Variants in DMD observed in about 807,000 individuals in gnomAD.
DMD encodes the protein mutant dystrophin.
Under a neutral mutation model 330.1 loss-of-function variants are expected in DMD, and 63 were observed. That is an observed-to-expected ratio of 0.19 (90% confidence interval 0.16 to 0.24). The LOEUF (loss-of-function observed/expected upper bound fraction) is 0.24, where lower values mean the gene tolerates loss of function less well. DMD is among the 10% of genes least tolerant of loss of function. DMD has a pLI of 1.00. For missense variants in DMD, 3,344 were observed against 2,684.1 expected (o/e 1.25, Z -5.43); for synonymous variants, 1,223 against 959.8 (o/e 1.27, Z -5.07).
At chrX:31,702,853 T>A (rs908937482) in intron 52 of DMD, among the ~76,000 whole-genome samples, 2 of 100,520 alleles carry the variant, frequency 2.0e-5, no homozygotes, top group Admixed American at 2.1e-4. Flanking sequence ...GTCAGAGAAG[T>A]CTTTTTTTTT....
chrX:31,690,092 T>C (rs191769446), intron 52 of DMD, among the ~76,000 whole-genome samples: 1 of 111,775 alleles, frequency 8.9e-6, no homozygotes, highest in African/African-American at 3.3e-5. Context: ...CCAAAAGCAA[T>C]GGCAACAAAA....
intron 7 of DMD, among the ~76,000 whole-genome samples, chrX:32,801,022 T>C (rs1163965495): frequency 1.8e-5 from 2 of 111,771 alleles, no homozygotes; most frequent in South Asian, 3.7e-4. Context: ...GAATAATTTA[T>C]AATCCTTTGG....
In DMD at chrX:33,010,062, A is replaced by ATATACACATGTGTATATATACGTG. The variant is rs1318950415; in HGVS notation, c.93+10076_93+10077insCACGTATATATACACATGTGTATA. Among the ~76,000 whole-genome samples, 174 of 34,429 alleles carry ATATACACATGTGTATATATACGTG rather than the reference A, an allele frequency of 5.1e-3. 20 individuals are homozygous for ATATACACATGTGTATATATACGTG. Among genetic ancestry groups the ATATACACATGTGTATATATACGTG allele is most frequent in the African/African-American group, 0.015 (164 of 11,288 alleles). The allele number at this position is 34,429 out of a possible 115,157, so 29.9% of individuals were successfully genotyped here. A position where few individuals can be genotyped will look rare whatever the true frequency, so the allele number is the denominator to read the frequency against. On this transcript the variant is annotated intron_variant, in intron 2 of 78. Coordinates refer to ENST00000357033, the MANE Select transcript of DMD (RefSeq NM_004006.3). ...TATACACATGTGTATATATACGTGT[A>ATATACACATGTGTATATATACGTG]TATATACACAAATGTGCACATGTGT...
At chrX:31,218,273 C>A (rs1312106558) in intron 64 of DMD, among the ~76,000 whole-genome samples, 2 of 104,904 alleles carry the variant, frequency 1.9e-5, no homozygotes, top group Non-Finnish European at 3.9e-5. Context: ...AGCTTCTGAA[C>A]TTTTAGGATC....
chrX:32,811,670 C>G (rs2077379012), intron 6 of DMD, among the ~76,000 whole-genome samples: 1 of 111,334 alleles, frequency 9.0e-6, no homozygotes, highest in Non-Finnish European at 1.9e-5. Context: ...AGAGGCAGTT[C>G]TTGTCTTATA....
chrX:32,246,813 C>T (rs1008759602), intron 43 of DMD, among the ~76,000 whole-genome samples: 2 of 110,857 alleles, frequency 1.8e-5, no homozygotes, highest in African/African-American at 6.6e-5. Flanking sequence ...GGTGATATCA[C>T]TTCTGTTAAC....
intron 7 of DMD, among the ~76,000 whole-genome samples, chrX:32,793,146 A>T (rs182391689): frequency 8.9e-6 from 1 of 112,383 alleles, no homozygotes; most frequent in East Asian, 2.8e-4. Flanking sequence ...AAACTTTGGA[A>T]CCTGTACAAA....
chrX:32,128,100 A>C (rs1260914092), intron 44 of DMD, among the ~76,000 whole-genome samples: 6 of 112,419 alleles, frequency 5.3e-5, no homozygotes, highest in African/African-American at 1.6e-4. Context: ...TTAACTTTCT[A>C]TATAGGTATA....
At chrX:32,264,002 A>G (rs192175364) in intron 43 of DMD, among the ~76,000 whole-genome samples, 2 of 112,091 alleles carry the variant, frequency 1.8e-5, no homozygotes, top group East Asian at 5.6e-4. Context: ...TAGAAAAACA[A>G]TTCATAGATC....
At chrX:32,622,300 T>G (rs772166081) in intron 11 of DMD, among the ~76,000 whole-genome samples, 23 of 111,318 alleles carry the variant, frequency 2.1e-4, no homozygotes, top group Non-Finnish European at 4.1e-4. Flanking sequence ...TGTGGAGGTG[T>G]GATACTAATA....
At chrX:32,623,807 G>A (rs369854606) in intron 11 of DMD, among the ~76,000 whole-genome samples, 3 of 111,813 alleles carry the variant, frequency 2.7e-5, no homozygotes, top group African/African-American at 6.5e-5. Flanking sequence ...GATTACAGGC[G>A]TGAGCCACCG....
intron 55 of DMD, among the ~76,000 whole-genome samples, chrX:31,590,355 T>C (rs12116218): frequency 0.068 from 7,513 of 111,116 alleles, 209 homozygotes; most frequent in African/African-American, 0.1. Flanking sequence ...AAATGATTCT[T>C]CCAATGCAAA....
chrX:32,579,329 C>T (rs1234615035), intron 13 of DMD, among the ~76,000 whole-genome samples: 1 of 111,957 alleles, frequency 8.9e-6, no homozygotes, highest in Non-Finnish European at 1.9e-5. Flanking sequence ...CCTGTCTGAA[C>T]TCAAGGAATT....
chrX:31,502,991 C>T (rs1032193973), intron 56 of DMD, among the ~76,000 whole-genome samples: 6 of 111,569 alleles, frequency 5.4e-5, no homozygotes, highest in South Asian at 3.7e-4. Flanking sequence ...TTAATGTTTT[C>T]GTTTTGTTTG....
chrX:32,664,856 G>A (rs751116484), intron 9 of DMD, among the ~76,000 whole-genome samples: 3 of 111,657 alleles, frequency 2.7e-5, no homozygotes, highest in South Asian at 7.5e-4. Context: ...TAAGATCATC[G>A]AGAAAATGAA....
In DMD at chrX:33,284,373, C is replaced by A. The variant is rs532081231; in HGVS notation, c.7+54886G>T. On this transcript the variant is annotated intron_variant, in intron 1 of 17. Coordinates refer to the DMD transcript ENST00000288447. ...AGTGTTTTTTAACAAAAGGACATAA[C>A]AGTGCATAGCCAAAAATTTATTAAT... 5.4e-5 allele frequency among the ~76,000 whole-genome samples: 6 copies of A among 111,154 alleles called. No individual in the cohort carries two copies. The South Asian group carries it at 2.3e-3, about 42-fold the overall frequency.
At chrX:32,650,292 T>G (rs1170481910) in intron 9 of DMD, among the ~76,000 whole-genome samples, 1 of 111,690 alleles carries the variant, frequency 9.0e-6, no homozygotes, top group South Asian at 3.7e-4. Flanking sequence ...GTTTTATTGG[T>G]CTTGAATGCA....
chrX:33,323,254 C>T, intron 1 of DMD, among the ~76,000 whole-genome samples: 1 of 111,683 alleles, frequency 9.0e-6, no homozygotes, highest in Non-Finnish European at 1.9e-5. Context: ...ATTGTTACAT[C>T]CAATACTGTT....
chrX:32,877,891 T>G (rs2083500970), intron 2 of DMD, among the ~76,000 whole-genome samples: 1 of 111,813 alleles, frequency 8.9e-6, no homozygotes, highest in Admixed American at 9.5e-5. Flanking sequence ...CTGCGATTGC[T>G]CCTTGCATGA....
Sources: allele counts gnomAD v4.1 joint callset (sites outside exome capture counted in the v4.1 genomes callset), GRCh38; gene constraint gnomAD v4.1.1; transcripts MANE v1.5; gene names NCBI Gene and HGNC (gene_info 2026-07-23, HGNC 2026-07-21).